Variants in PARD3B observed in about 807,000 individuals in gnomAD.
PARD3B encodes the protein partitioning defective 3 homolog B.
PARD3B carries 103 observed loss-of-function variants against 130.2 expected under a neutral mutation model. The ratio of observed to expected loss-of-function variants is 0.79; its 90% CI spans 0.67 to 0.93. The LOEUF (loss-of-function observed/expected upper bound fraction) is 0.93. Ranked by LOEUF, PARD3B falls within the 40% of genes least tolerant of loss-of-function variation. The pLI is 0.00. For synonymous variants in PARD3B, 583 were observed against 553.2 expected, an observed-to-expected ratio of 1.05 and a Z score of -0.76; for missense variants, 1,609 against 1,499.2, an observed-to-expected ratio of 1.07 and a Z score of -1.21.
intron 22 of PARD3B, among the ~76,000 whole-genome samples, chr2:205,597,732 G>T (rs1294952352): frequency 6.6e-6 from 1 of 152,160 alleles, no homozygotes; most frequent in Non-Finnish European, 1.5e-5. Flanking sequence ...TGTGAGTTAA[G>T]GGACAGGTCA....
Position 205,553,326 on chromosome 2 carries a change from G to A in PARD3B, c.3183G>A (p.Val1061=). 1 of 1,613,670 alleles carries A rather than the reference G, an allele frequency of 6.2e-7. No homozygotes were observed. Among genetic ancestry groups the A allele is most frequent in the Non-Finnish European group, 8.5e-7 (1 of 1,179,628 alleles). ...TCTAATTGCTTTTCTCTCCACAGGT[G>A]CCTGGAAGGGGTCCAGATGGGAATG... ...ARPSEYDLLW[V]PGRGPDGNAH... is the part of the protein sequence containing the mutation. Residue 1061 remains valine (V), a splice_region_variant and synonymous_variant, in exon 22 of 23, where the codon GTG becomes GTA. Transcript: ENST00000406610.
At chr2:204,644,838 T>C (rs892808136) in intron 1 of PARD3B, among the ~76,000 whole-genome samples, 3 of 152,170 alleles carry the variant, frequency 2.0e-5, no homozygotes, top group Admixed American at 1.3e-4. Context: ...ATGATACTTT[T>C]ATAAAAAAAT....
At chr2:204,679,556 T>A (rs547141886) in intron 1 of PARD3B, among the ~76,000 whole-genome samples, 1 of 152,184 alleles carries the variant, frequency 6.6e-6, no homozygotes, top group Non-Finnish European at 1.5e-5. Flanking sequence ...TATGATAGTC[T>A]TCTTTAATTT....
At chr2:204,561,594 ATT>A (rs549784375) in intron 1 of PARD3B, among the ~76,000 whole-genome samples, 1,254 of 124,898 alleles carry the variant, frequency 0.01, 12 homozygotes, top group African/African-American at 0.033. Context: ...TCTCCCTTGT[ATT>A]TTTTTTTTTT....
At chr2:205,023,580 T>C (rs1455435836) in intron 3 of PARD3B, among the ~76,000 whole-genome samples, 1 of 121,084 alleles carries the variant, frequency 8.3e-6, no homozygotes, top group Non-Finnish European at 1.6e-5. Flanking sequence ...GGGAATACCA[T>C]GAGTCTGACC....
At chr2:204,634,903 A>AAATTTTC (rs2034816973) in intron 1 of PARD3B, among the ~76,000 whole-genome samples, 1 of 152,128 alleles carries the variant, frequency 6.6e-6, no homozygotes, top group African/African-American at 2.4e-5. Context: ...ATAAAGAGAG[A>AAATTTTC]AATTTTCATC....
intron 2 of PARD3B, among the ~76,000 whole-genome samples, chr2:204,917,670 A>G (rs2047498883): frequency 6.6e-6 from 1 of 152,138 alleles, no homozygotes; most frequent in Non-Finnish European, 1.5e-5. Flanking sequence ...ATGTTTTATA[A>G]TTTTTATTTC....
intron 2 of PARD3B, among the ~76,000 whole-genome samples, chr2:204,886,387 G>A (rs1438754185): frequency 6.6e-6 from 1 of 152,154 alleles, no homozygotes; most frequent in East Asian, 1.9e-4. Flanking sequence ...TGTCACCATT[G>A]CCCTAGCACC....
chr2:205,438,938 CCTT>C (rs1317067062), intron 19 of PARD3B, among the ~76,000 whole-genome samples: 1 of 151,972 alleles, frequency 6.6e-6, no homozygotes, highest in Non-Finnish European at 1.5e-5. Context: ...TGGTCTCATG[CCTT>C]CTTATTCTTT....
chr2:204,868,613 A>G (rs1447452487), intron 2 of PARD3B, among the ~76,000 whole-genome samples: 1 of 152,196 alleles, frequency 6.6e-6, no homozygotes, highest in Non-Finnish European at 1.5e-5. Context: ...ACCCTGATCA[A>G]GCTCTGCTAC....
intron 19 of PARD3B, among the ~76,000 whole-genome samples, chr2:205,416,725 G>A (rs938315320): frequency 2.0e-5 from 3 of 151,998 alleles, no homozygotes; most frequent in Non-Finnish European, 4.4e-5. Flanking sequence ...AAAAAATCAT[G>A]TAAGTATCCA....
intron 2 of PARD3B, among the ~76,000 whole-genome samples, chr2:204,773,439 A>C (rs116103181): frequency 5.3e-5 from 8 of 152,100 alleles, no homozygotes; most frequent in African/African-American, 1.9e-4. Context: ...GTTGTTTTAT[A>C]TAAATCATAC....
intron 18 of PARD3B, among the ~76,000 whole-genome samples, chr2:205,370,545 G>A (rs994688130): frequency 6.6e-6 from 1 of 152,182 alleles, no homozygotes; most frequent in Non-Finnish European, 1.5e-5. Flanking sequence ...CCGGGAAAGG[G>A]CAGGAGTATC....
At chr2:205,076,618 T>G (rs1407318535) in intron 4 of PARD3B, among the ~76,000 whole-genome samples, 2 of 152,162 alleles carry the variant, frequency 1.3e-5, no homozygotes, top group Non-Finnish European at 2.9e-5. Context: ...AAGCACTGCC[T>G]GCGCTCAGGC....
At position 204,890,476 on chromosome 2, in the gene PARD3B, CATTGAATAT is replaced by C. The variant is rs1479819429; in HGVS notation, c.223-74673_223-74665del. ...TATGCTTCTGACCAAAACATGTATA[CATTGAATAT>C]ATATTAAATTTATTGGGTAATTATT... On this transcript the variant is annotated intron_variant, in intron 2 of 22. Transcript: ENST00000406610. The surrounding 1 kb of genome is among the most constrained non-coding windows in gnomAD (Gnocchi z 4.9). Among the ~76,000 whole-genome samples, 3 of 152,086 alleles carry C rather than the reference CATTGAATAT, an allele frequency of 2.0e-5. No homozygotes were observed. Among genetic ancestry groups the C allele is most frequent in the Non-Finnish European group, 4.4e-5 (3 of 68,034 alleles).
chr2:205,476,214 C>T (rs1037635577), intron 20 of PARD3B, among the ~76,000 whole-genome samples: 2 of 152,154 alleles, frequency 1.3e-5, no homozygotes, highest in South Asian at 2.1e-4. Context: ...CCAGACTACA[C>T]GTTGTCGGAA....
chr2:204,738,624 T>C (rs2039860494), intron 2 of PARD3B, among the ~76,000 whole-genome samples: 1 of 152,182 alleles, frequency 6.6e-6, no homozygotes, highest in Non-Finnish European at 1.5e-5. Context: ...TCAGCCAGGC[T>C]GGGCTCTTTT....
At chr2:205,206,039 A>G (rs928074017) in intron 15 of PARD3B, among the ~76,000 whole-genome samples, 3 of 151,656 alleles carry the variant, frequency 2.0e-5, no homozygotes, top group African/African-American at 7.3e-5. Flanking sequence ...TCCTCTTTGT[A>G]CCTCTGGTAG....
At chr2:204,602,575 T>A (rs1462524183) in intron 1 of PARD3B, among the ~76,000 whole-genome samples, 1 of 152,060 alleles carries the variant, frequency 6.6e-6, no homozygotes, top group Non-Finnish European at 1.5e-5. Flanking sequence ...TAATCTGCAT[T>A]ATGGCCCGTT....
Sources: allele counts gnomAD v4.1 joint callset (sites outside exome capture counted in the v4.1 genomes callset), GRCh38; gene constraint gnomAD v4.1.1; non-coding constraint Gnocchi (gnomAD v3.1); transcripts MANE v1.5; gene names NCBI Gene and HGNC (gene_info 2026-07-23, HGNC 2026-07-21).